Variants in EML4 observed in about 807,000 individuals in gnomAD.
EML4 encodes EMAP like 4, also known as echinoderm microtubule-associated protein-like 4.
In EML4, 72 loss-of-function variants were observed where a neutral mutation model predicts 129.0. The observed-to-expected ratio is 0.56, with a 90% confidence interval of 0.46 to 0.68. The LOEUF is 0.68. EML4 is among the 30% of genes least tolerant of loss of function. The pLI is 0.00. For missense variants in EML4, 1,363 were observed against 1,190.6 expected (o/e 1.14, Z -2.13); for synonymous variants, 532 against 405.0 (o/e 1.31, Z -3.77).
At chr2:42,276,115 T>C (rs549394280) in intron 6 of EML4, among the ~76,000 whole-genome samples, 3 of 152,312 alleles carry the variant, frequency 2.0e-5, no homozygotes, top group Non-Finnish European at 2.9e-5. Context: ...TCTTCATCTA[T>C]GTATTTTACC....
chr2:42,307,946 C>T (rs186920455), intron 17 of EML4, among the ~76,000 whole-genome samples: 226 of 152,298 alleles, frequency 1.5e-3, no homozygotes, highest in African/African-American at 5.2e-3. Flanking sequence ...TGAGCCACCA[C>T]GCCCAGCCAA....
intron 6 of EML4, among the ~76,000 whole-genome samples, chr2:42,266,558 G>A (rs1367964784): frequency 6.6e-6 from 1 of 151,666 alleles, no homozygotes; most frequent in East Asian, 1.9e-4. Context: ...TGCCTAGGTT[G>A]GTCTCAAACT....
chr2:42,273,353 TAATC>T (rs1330307177), intron 6 of EML4, among the ~76,000 whole-genome samples: 4 of 152,156 alleles, frequency 2.6e-5, no homozygotes, highest in African/African-American at 9.7e-5. Context: ...GCAGTAAAAA[TAATC>T]TAAAATGCTT....
Position 42,317,617 on chromosome 2 carries a change from G to A in EML4, c.2154+93G>A, listed in dbSNP as rs1174970507. On this transcript the variant is annotated intron_variant, in intron 19 of 22. Coordinates refer to ENST00000318522, the MANE Select transcript of EML4 (RefSeq NM_019063.5). ...TACATCGATGTGTGTGTTGTTTCCT[G>A]TCGTTAGCTGCTTTAATCTCTGTCT... is the stretch of plus-strand genomic sequence containing the variant. 1.7e-5 allele frequency: 13 copies of A among 776,748 alleles called. No individual in the cohort carries two copies. The Admixed American group carries it at 2.9e-4, about 17-fold the overall frequency. The allele number at this position is 776,748 out of a possible 1,614,324, so 48.1% of individuals were successfully genotyped here.
intron 1 of EML4, among the ~76,000 whole-genome samples, chr2:42,222,010 G>A (rs2104115694): frequency 6.6e-6 from 1 of 152,136 alleles, no homozygotes; most frequent in African/African-American, 2.4e-5. Context: ...TGGGATTACA[G>A]GTGTGAGCCT....
intron 1 of EML4, among the ~76,000 whole-genome samples, chr2:42,226,317 A>G (rs987090382): frequency 1.3e-5 from 2 of 152,082 alleles, no homozygotes; most frequent in African/African-American, 2.4e-5. Flanking sequence ...GATGGGAGGA[A>G]TAAGTTGAAG....
At chr2:42,269,611 A>G (rs993222774) in intron 6 of EML4, among the ~76,000 whole-genome samples, 1 of 152,190 alleles carries the variant, frequency 6.6e-6, no homozygotes, top group African/African-American at 2.4e-5. Flanking sequence ...TAGGGAAGAC[A>G]TTTCTGATAT....
At chr2:42,247,830 G>T (rs1675511582) in intron 2 of EML4, among the ~76,000 whole-genome samples, 1 of 151,840 alleles carries the variant, frequency 6.6e-6, no homozygotes, top group Non-Finnish European at 1.5e-5. Flanking sequence ...GCTTTATAGG[G>T]AATATAAGCT....
At chr2:42,272,685 T>A (rs892070325) in intron 6 of EML4, among the ~76,000 whole-genome samples, 4 of 152,224 alleles carry the variant, frequency 2.6e-5, no homozygotes, top group Non-Finnish European at 4.4e-5. Context: ...GTTTAGATTT[T>A]TTTTAAAAAG....
chr2:42,180,801 G>C lies in EML4; in HGVS notation c.25+11165G>C, dbSNP rs1412543711. On this transcript the variant is annotated intron_variant, in intron 1 of 22. Transcript: ENST00000318522. ...AATTGTCTCAATAATGTCTTTTATAGCAAAAAGATCTAGTTCACAATTACA... is the reference window on the plus strand; with the variant it reads ...AATTGTCTCAATAATGTCTTTTATACCAAAAAGATCTAGTTCACAATTACA... Among the ~76,000 whole-genome samples the C allele has an allele frequency of 2.0e-5, 3 of 152,238 alleles. No individual in the cohort carries two copies. In the East Asian group the frequency reaches 5.8e-4, roughly 29 times the overall value.
rs573318906 is a variant in EML4, at chr2:42,172,718, T to A, written c.25+3082T>A. Among the ~76,000 whole-genome samples, 44 of 152,270 alleles carry A rather than the reference T, an allele frequency of 2.9e-4. No homozygotes were observed. In the South Asian group the frequency reaches 8.7e-3, roughly 30 times the overall value. ...CCTTGATGTGTTGCCTCTAAATCAC[T>A]ACATATAGATACCCATGTGCAAAAT... On this transcript the variant is annotated intron_variant, in intron 1 of 22. Coordinates refer to ENST00000318522, the MANE Select transcript of EML4 (RefSeq NM_019063.5).
rs150354507 is a variant in EML4 at position 42,282,853 on chromosome 2, T to A, written c.822T>A (p.Ala274=). ...GTTATCGAGGAAAGGACTGTAGAGC[T>A]AATGTTTACCTTCTTCCGACCGGGA... ...AYGYRGKDCR[A]NVYLLPTGKI... Residue 274 remains alanine, a synonymous_variant, in exon 8 of 23, where the codon GCT becomes GCA. Transcript: ENST00000318522. 362 of 1,613,152 alleles carry A rather than the reference T, an allele frequency of 2.2e-4. 2 individuals are homozygous for A. The highest frequency in any genetic ancestry group is 1.5e-4 in the Non-Finnish European group (173 of 1,179,312).
intron 19 of EML4, among the ~76,000 whole-genome samples, chr2:42,322,959 T>G (rs189213293): frequency 6.6e-6 from 1 of 152,354 alleles, no homozygotes; most frequent in Admixed American, 6.5e-5. Context: ...CTTCTCCTAC[T>G]CAAGAGTCCT....
At chr2:42,318,692 A>AT (rs1669366636) in intron 19 of EML4, among the ~76,000 whole-genome samples, 1 of 86,964 alleles carries the variant, frequency 1.1e-5, no homozygotes, top group Non-Finnish European at 2.2e-5. Flanking sequence ...CCAGACCCCC[A>AT]ATTTTTTTTG....
rs1670108287 is a variant in EML4, at chr2:42,331,684, A to T, written c.*1477A>T. On this transcript the variant is annotated 3_prime_UTR_variant, in exon 23 of 23. Transcript: ENST00000318522. The stretch of plus-strand genomic sequence containing the variant: ...ATCAGAACTGTCATTCCCTTCTAAT[A>T]TCTTCTCAGGAGTAATACAAATCAG... The T allele has an allele frequency of 4.5e-6, 1 of 220,732 alleles. No individual in the cohort carries two copies. The highest frequency in any genetic ancestry group is 6.7e-5 in the East Asian group (1 of 15,006). The allele number at this position is 220,732 out of a possible 1,614,324, so 13.7% of individuals were successfully genotyped here.
intron 1 of EML4, among the ~76,000 whole-genome samples, chr2:42,193,542 A>G (rs1671722792): frequency 6.6e-6 from 1 of 152,216 alleles, no homozygotes; most frequent in South Asian, 2.1e-4. Context: ...TGATGCTATA[A>G]TGAGAACTAA....
At chr2:42,221,501 C>G (rs1673595921) in intron 1 of EML4, among the ~76,000 whole-genome samples, 1 of 148,428 alleles carries the variant, frequency 6.7e-6, no homozygotes, top group Non-Finnish European at 1.5e-5. Context: ...CCTCAATGTC[C>G]CGGGCCCAAG....
rs781554218 is a variant in EML4, at chr2:42,261,190, T to A, written c.408T>A (p.Asp136Glu). The A allele has an allele frequency of 8.1e-6, 13 of 1,613,792 alleles. No individual in the cohort carries two copies. The South Asian group carries it at 1.4e-4, about 18-fold the overall frequency. Residue 136 changes from aspartate to glutamate, a missense_variant, in exon 4 of 23, where the codon GAT (aspartate) becomes GAA (glutamate). By Grantham distance (45) the Asp-to-Glu change is conservative. Transcript: ENST00000318522. ...AAAAAGAGGAATCTCATTCTAATGA[T>A]CAAAGTCCACAAATTCGAGCATCAC... The part of the protein sequence containing the change: ...REKKEESHSN[D>E]QSPQIRASPS...
chr2:42,319,618 C>G (rs1322513191), intron 19 of EML4: 1 of 152,184 alleles, frequency 6.6e-6, no homozygotes, highest in Non-Finnish European at 1.5e-5. Context: ...TTATATAGGA[C>G]AGGCAAAACT....
Sources: allele counts gnomAD v4.1 joint callset (sites outside exome capture counted in the v4.1 genomes callset), GRCh38; gene constraint gnomAD v4.1.1; transcripts MANE v1.5; gene names NCBI Gene and HGNC (gene_info 2026-07-23, HGNC 2026-07-21).